Variants in SDK1 observed in about 807,000 individuals in gnomAD.
The protein encoded by SDK1 is protein sidekick-1.
In SDK1, 157 loss-of-function variants were observed where a neutral mutation model predicts 245.5. The ratio of observed to expected loss-of-function variants is 0.64; its 90% CI spans 0.56 to 0.73. The LOEUF (loss-of-function observed/expected upper bound fraction) is 0.73. SDK1 is among the 30% of genes least tolerant of loss of function. The pLI is 0.00. For synonymous variants in SDK1, 1,647 were observed against 1,278.5 expected, an observed-to-expected ratio of 1.29 and a Z score of -6.15; for missense variants, 3,583 against 3,002.3, an observed-to-expected ratio of 1.19 and a Z score of -4.52.
chr7:3,702,701 T>C (rs1784773414), intron 4 of SDK1, among the ~76,000 whole-genome samples: 2 of 152,150 alleles, frequency 1.3e-5, no homozygotes, highest in African/African-American at 2.4e-5. Flanking sequence ...TGGACTAGTA[T>C]TGGAGATCAC....
intron 4 of SDK1, among the ~76,000 whole-genome samples, chr7:3,652,354 A>G (rs11768731): frequency 3.3e-5 from 5 of 152,184 alleles, no homozygotes; most frequent in Non-Finnish European, 7.4e-5. Flanking sequence ...AGTCCTGGCA[A>G]ATGTGACCTG....
intron 25 of SDK1, among the ~76,000 whole-genome samples, chr7:4,122,463 C>T (rs1304578918): frequency 6.6e-6 from 1 of 152,114 alleles, no homozygotes. Context: ...ATAGCAGCTC[C>T]TGGGAGCTTA....
intron 5 of SDK1, among the ~76,000 whole-genome samples, chr7:3,932,772 C>G (rs950471147): frequency 5.9e-5 from 9 of 152,146 alleles, no homozygotes; most frequent in Admixed American, 5.9e-4. Context: ...GCTCCTGGTC[C>G]AAAACAATGA....
intron 4 of SDK1, among the ~76,000 whole-genome samples, chr7:3,679,331 C>G (rs1784023445): frequency 6.6e-6 from 1 of 151,974 alleles, no homozygotes. Context: ...CTTTGGGAGG[C>G]CGAGGCGGGT....
At chr7:3,470,659 T>C (rs1342996782) in intron 1 of SDK1, among the ~76,000 whole-genome samples, 5 of 152,162 alleles carry the variant, frequency 3.3e-5, no homozygotes, top group South Asian at 2.1e-4. Context: ...CAAAGAGTTA[T>C]AGTCTGATTT....
At chr7:3,753,762 T>C (rs2115067742) in intron 4 of SDK1, among the ~76,000 whole-genome samples, 1 of 152,334 alleles carries the variant, frequency 6.6e-6, no homozygotes, top group South Asian at 2.1e-4. Flanking sequence ...TTTTGTAGAC[T>C]GAATATGGCT....
At chr7:3,753,751 C>G (rs35459481) in intron 4 of SDK1, among the ~76,000 whole-genome samples, 34,308 of 152,078 alleles carry the variant, frequency 0.23, 4,036 homozygotes, top group Middle Eastern at 0.36. Flanking sequence ...GGTGAAGTGG[C>G]TTTTGTAGAC....
intron 17 of SDK1, among the ~76,000 whole-genome samples, chr7:4,031,146 CAT>C (rs57664926): frequency 0.017 from 2,550 of 152,212 alleles, 69 homozygotes; most frequent in African/African-American, 0.059. Flanking sequence ...TCTATATACA[CAT>C]ATTTAAGTAT....
intron 1 of SDK1, among the ~76,000 whole-genome samples, chr7:3,551,922 C>G (rs1028559359): frequency 6.6e-6 from 1 of 152,132 alleles, no homozygotes; most frequent in African/African-American, 2.4e-5. Flanking sequence ...ATCACATTAT[C>G]AAGCTTTTAA....
chr7:3,544,347 T>G (rs1779149881), intron 1 of SDK1, among the ~76,000 whole-genome samples: 1 of 152,210 alleles, frequency 6.6e-6, no homozygotes, highest in African/African-American at 2.4e-5. Flanking sequence ...GGGAAACAGC[T>G]TGGATCAAGC....
chr7:4,162,565 A>G (rs1368391120), intron 32 of SDK1, among the ~76,000 whole-genome samples: 2 of 151,796 alleles, frequency 1.3e-5, no homozygotes, highest in African/African-American at 4.8e-5. Flanking sequence ...ACACCCAACT[A>G]ACTTTTGTAT....
chr7:3,331,710 T>G (rs545533409), intron 1 of SDK1, among the ~76,000 whole-genome samples: 1 of 152,292 alleles, frequency 6.6e-6, no homozygotes, highest in East Asian at 1.9e-4. Context: ...CACCTTTCCT[T>G]TGGATACCAG....
intron 5 of SDK1, among the ~76,000 whole-genome samples, chr7:3,907,886 A>G (rs1226939088): frequency 6.6e-6 from 1 of 152,184 alleles, no homozygotes; most frequent in Non-Finnish European, 1.5e-5. Flanking sequence ...TTTCAGTGGA[A>G]CTAGAATACT....
chr7:4,194,402 GTATGCAC>G (rs1783454879), intron 35 of SDK1, among the ~76,000 whole-genome samples: 1 of 128,782 alleles, frequency 7.8e-6, no homozygotes. Context: ...ATACATATAT[GTATGCAC>G]ATATGTGTAT....
chr7:4,166,198 T>C (rs2128214450), intron 32 of SDK1, among the ~76,000 whole-genome samples: 1 of 152,366 alleles, frequency 6.6e-6, no homozygotes, highest in African/African-American at 2.4e-5. Context: ...GAGGGTTACA[T>C]CTGCCTGGGC....
intron 4 of SDK1, among the ~76,000 whole-genome samples, chr7:3,741,263 T>C (rs1411492125): frequency 4.6e-5 from 7 of 152,092 alleles, no homozygotes; most frequent in Admixed American, 4.6e-4. Flanking sequence ...ATTTTTGGAG[T>C]AACCAAAACT....
intron 20 of SDK1, among the ~76,000 whole-genome samples, chr7:4,074,916 A>ATATATTTTTTTT (rs1434239449): frequency 1.5e-5 from 1 of 64,628 alleles, no homozygotes; most frequent in Non-Finnish European, 2.5e-5. Context: ...ATATATATAT[A>ATATATTTTTTTT]TTTTTTTTTT....
At chr7:3,688,413 T>C (rs1784352090) in intron 4 of SDK1, among the ~76,000 whole-genome samples, 1 of 152,248 alleles carries the variant, frequency 6.6e-6, no homozygotes, top group Non-Finnish European at 1.5e-5. Flanking sequence ...ACATGTAGTA[T>C]GAGAACTGAG....
intron 22 of SDK1, among the ~76,000 whole-genome samples, chr7:4,083,179 C>T (rs1781171684): frequency 6.6e-6 from 1 of 152,124 alleles, no homozygotes; most frequent in Admixed American, 6.5e-5. Context: ...CATATACACA[C>T]ACCTGGGAAG....
Sources: gnomAD v4.1 joint callset for allele counts (sites outside exome capture counted in the v4.1 genomes callset) on GRCh38, gnomAD v4.1.1 for gene constraint, MANE v1.5 for transcripts, NCBI Gene and HGNC (gene_info 2026-07-23, HGNC 2026-07-21) for gene names.